CUX1: variants seen among roughly 807,000 people sequenced by gnomAD.
CUX1 encodes the protein cut like homeobox 1.
In CUX1, 31 loss-of-function variants were observed where a neutral mutation model predicts 158.8. The ratio of observed to expected loss-of-function variants is 0.20; its 90% CI spans 0.15 to 0.26. CUX1 has a LOEUF of 0.26. CUX1 is among the 10% of genes least tolerant of loss of function. The probability of loss-of-function intolerance (pLI) is 1.00; values close to 1 mark genes in which losing one functional copy is unlikely to be tolerated. For missense variants in CUX1, 1,589 were observed against 2,014.6 expected (o/e 0.79, Z 4.04); for synonymous variants, 879 against 862.1 (o/e 1.02, Z -0.34).
intron 1 of CUX1, among the ~76,000 whole-genome samples, chr7:101,820,785 C>T (rs144214194): frequency 5.9e-5 from 9 of 152,140 alleles, no homozygotes; most frequent in Admixed American, 1.3e-4. Flanking sequence ...AAGTAGCAAG[C>T]GAGTGTAGCT....
intron 1 of CUX1, among the ~76,000 whole-genome samples, chr7:101,829,428 A>G (rs956380454): frequency 1.3e-5 from 2 of 152,058 alleles, no homozygotes; most frequent in Non-Finnish European, 2.9e-5. Flanking sequence ...GGTTTATTTC[A>G]TGTTACTTGC....
intron 8 of CUX1, among the ~76,000 whole-genome samples, chr7:102,123,659 C>T (rs1832308756): frequency 6.6e-6 from 1 of 150,836 alleles, no homozygotes; most frequent in East Asian, 2.0e-4. Context: ...AGTCCTACTG[C>T]TTTTTTTTAT....
At chr7:101,990,146 C>T (rs1388831882) in intron 2 of CUX1, among the ~76,000 whole-genome samples, 3 of 152,038 alleles carry the variant, frequency 2.0e-5, no homozygotes. Flanking sequence ...ATCTCTTGAA[C>T]CCGGGATTTT....
chr7:101,839,411 A>G (rs1794980187), intron 1 of CUX1, among the ~76,000 whole-genome samples: 1 of 152,068 alleles, frequency 6.6e-6, no homozygotes, highest in Non-Finnish European at 1.5e-5. Context: ...TTCTTTCACG[A>G]AGCACCTCCA....
chr7:101,825,965 A>G (rs1285818128), intron 1 of CUX1, among the ~76,000 whole-genome samples: 1 of 152,062 alleles, frequency 6.6e-6, no homozygotes, highest in Non-Finnish European at 1.5e-5. Context: ...TTCCCGAACC[A>G]TTGATTTCAT....
chr7:102,062,087 C>G (rs1824941802), intron 3 of CUX1, among the ~76,000 whole-genome samples: 1 of 152,208 alleles, frequency 6.6e-6, no homozygotes. Context: ...AAGGTCCTTG[C>G]AGCAGAGGGA....
intron 20 of CUX1, among the ~76,000 whole-genome samples, chr7:102,211,970 G>A (rs567932250): frequency 1.3e-5 from 2 of 151,984 alleles, no homozygotes; most frequent in East Asian, 1.9e-4. Context: ...GGGCACATGC[G>A]CTTCTCAAAA....
intron 2 of CUX1, among the ~76,000 whole-genome samples, chr7:101,924,792 C>T (rs1805388902): frequency 6.6e-6 from 1 of 151,740 alleles, no homozygotes; most frequent in Non-Finnish European, 1.5e-5. Context: ...CCGGGCTGAT[C>T]TCGAACTCCT....
intron 1 of CUX1, among the ~76,000 whole-genome samples, chr7:101,862,344 A>G (rs1027678500): frequency 7.9e-5 from 12 of 151,940 alleles, no homozygotes; most frequent in Non-Finnish European, 2.9e-5. Flanking sequence ...GGTCCCTAGA[A>G]TATAATACAT....
intron 1 of CUX1, among the ~76,000 whole-genome samples, chr7:101,845,142 A>G (rs1795554877): frequency 6.7e-6 from 1 of 149,908 alleles, no homozygotes; most frequent in Non-Finnish European, 1.5e-5. Flanking sequence ...TCTGTTGTCC[A>G]TCTCTCTCTC....
intron 8 of CUX1, among the ~76,000 whole-genome samples, chr7:102,144,445 C>T (rs1585890466): frequency 6.6e-6 from 1 of 152,156 alleles, no homozygotes; most frequent in East Asian, 1.9e-4. Context: ...AGAATCCTTT[C>T]ATTTCCTTTC....
chr7:101,859,402 A>G (rs1797203095), intron 1 of CUX1, among the ~76,000 whole-genome samples: 2 of 152,158 alleles, frequency 1.3e-5, no homozygotes, highest in South Asian at 2.1e-4. Context: ...TTTCTCAACA[A>G]ATTGCTTCCT....
At chr7:102,029,587 A>C (rs1252486691) in intron 3 of CUX1, among the ~76,000 whole-genome samples, 1 of 152,198 alleles carries the variant, frequency 6.6e-6, no homozygotes, top group African/African-American at 2.4e-5. Context: ...ATTTCAGGAC[A>C]TCAAAAGGGA....
In CUX1 at chr7:102,256,336, CTCT is replaced by C; in HGVS notation, c.*7298_*7300del. The C allele has an allele frequency of 1.0e-6, 1 of 984,440 alleles. No individual in the cohort carries two copies. 61.0% of individuals were successfully genotyped at this position (984,440 alleles called of 1,614,324 possible). On this transcript the variant is annotated 3_prime_UTR_variant, in exon 24 of 24. Coordinates refer to ENST00000292535, the MANE Select transcript of CUX1 (RefSeq NM_181552.4). The stretch of plus-strand genomic sequence containing the variant: ...TGAGAAAAAAAAAATTATTTCTATC[CTCT>C]TCTATTTATTATTAGGTTAATCATT...
At chr7:101,976,616 C>T (rs1812717463) in intron 2 of CUX1, among the ~76,000 whole-genome samples, 1 of 152,118 alleles carries the variant, frequency 6.6e-6, no homozygotes, top group South Asian at 2.1e-4. Flanking sequence ...CTTTTTTGGG[C>T]AGCCATTAAA....
intron 5 of CUX1, among the ~76,000 whole-genome samples, chr7:102,102,208 C>T (rs1006836743): frequency 6.6e-6 from 1 of 151,594 alleles, no homozygotes; most frequent in Non-Finnish European, 1.5e-5. Context: ...CACCTCTCTA[C>T]GGAAAGCACT....
At position 102,273,569 on chromosome 7, in the gene CUX1, C is replaced by G. The variant is rs1168115473; in HGVS notation, c.1383+76C>G. ...TTAGCCTCTGCAAACACTGACTTCC[C>G]AGATTAGCCTGTGTATCAGGCAGCT... On this transcript the variant is annotated intron_variant, in intron 15 of 22. Coordinates refer to the CUX1 transcript ENST00000292538. 1.2e-5 allele frequency: 18 copies of G among 1,526,064 alleles called. No individual in the cohort carries two copies. The African/African-American group carries it at 2.1e-4, about 17-fold the overall frequency. The allele number at this position is 1,526,064 out of a possible 1,614,324, so 94.5% of individuals were successfully genotyped here.
Position 102,252,240 on chromosome 7 carries a change from C to A in CUX1, c.*3198C>A. 1.0e-6 allele frequency: 1 copy of A among 985,418 alleles called. No individual in the cohort carries two copies. The highest frequency in any genetic ancestry group is 1.2e-6 in the Non-Finnish European group (1 of 829,954). The allele number at this position is 985,418 out of a possible 1,614,324, so 61.0% of individuals were successfully genotyped here. A position where few individuals can be genotyped will look rare whatever the true frequency, so the allele number is the denominator to read the frequency against. On this transcript the variant is annotated 3_prime_UTR_variant, in exon 24 of 24. Coordinates refer to ENST00000292535, the MANE Select transcript of CUX1 (RefSeq NM_181552.4). ...CAGCAATCCGTGGCCAGGGGAGCACCCCCTCCTGGTTGGGCCCCTCAGTTG... is the reference window on the plus strand; with the variant it reads ...CAGCAATCCGTGGCCAGGGGAGCACACCCTCCTGGTTGGGCCCCTCAGTTG...
intron 1 of CUX1, among the ~76,000 whole-genome samples, chr7:101,890,978 C>T (rs1250906976): frequency 6.6e-6 from 1 of 150,952 alleles, no homozygotes; most frequent in African/African-American, 2.4e-5. Flanking sequence ...TGTTAGATCA[C>T]TTAGCAGGAT....
Sources: allele counts gnomAD v4.1 joint callset (sites outside exome capture counted in the v4.1 genomes callset), GRCh38; gene constraint gnomAD v4.1.1; transcripts MANE v1.5; gene names NCBI Gene and HGNC (gene_info 2026-07-23, HGNC 2026-07-21).